NCOA5: variants seen among roughly 807,000 people sequenced by gnomAD.
NCOA5 encodes the protein nuclear receptor coactivator 5, also known as NCoA-5.
NCOA5 carries 12 observed loss-of-function variants against 59.0 expected under a neutral mutation model. That is an observed-to-expected ratio of 0.20 (90% confidence interval 0.13 to 0.33). NCOA5 has a LOEUF of 0.33. Among genes scored for constraint, NCOA5 ranks in the 10% least tolerant of loss-of-function variants. The pLI is 1.00. For missense variants in NCOA5, 655 were observed against 766.6 expected, an observed-to-expected ratio of 0.85 and a Z score of 1.72; for synonymous variants, 270 against 275.5, an observed-to-expected ratio of 0.98 and a Z score of 0.20.
At chr20:46,063,762 A>G in intron 6 of NCOA5, 82 bp from the exon 7 acceptor site, 1 of 1,345,920 alleles carries the variant, frequency 7.4e-7, no homozygotes, top group Non-Finnish European at 1.0e-6. Context: ...AGTCTTTCCT[A>G]ACCTCATACC....
intron 2 of NCOA5, among the ~76,000 whole-genome samples, chr20:46,076,227 G>A (rs1452934063): frequency 6.6e-6 from 1 of 152,114 alleles, no homozygotes; most frequent in Non-Finnish European, 1.5e-5. Context: ...CCTGTGGCTG[G>A]GGGCATACAA....
intron 5 of NCOA5, among the ~76,000 whole-genome samples, chr20:46,066,738 C>T (rs971810184): frequency 6.6e-6 from 1 of 152,182 alleles, no homozygotes; most frequent in African/African-American, 2.4e-5. Flanking sequence ...AAGCACAAAA[C>T]CTGCCTGAGA....
At position 46,062,406 on chromosome 20, in the gene NCOA5, T is replaced by G. The variant is rs1409660956; in HGVS notation, c.1634A>C (p.Asp545Ala). The G allele has an allele frequency of 6.2e-7, 1 of 1,614,010 alleles. No homozygotes were observed. The highest frequency in any genetic ancestry group is 2.2e-5 in the East Asian group (1 of 44,890). ...FDNPSVQKAL[D>A]TLIQSGPALS... ...AGCAGGGCCACTCTGGATCAGGGTA[T>G]CCAGAGCCTTCTGTACACTTGGATT... The change falls in exon 8 of 8, where the codon GAT becomes GCT. Residue 545 changes from aspartate (D) to alanine (A), a missense_variant. Physicochemically the swap from Asp to Ala is moderately radical, Grantham distance 126. Around this residue, in one of 3 missense-constraint regions of NCOA5, gnomAD observed 325 missense variants for 353.2 expected, o/e 0.92. Transcript: ENST00000290231.
At chr20:46,080,007 C>T (rs1455070979) in intron 1 of NCOA5, among the ~76,000 whole-genome samples, 1 of 151,980 alleles carries the variant, frequency 6.6e-6, no homozygotes, top group East Asian at 1.9e-4. Flanking sequence ...GAATAACATG[C>T]AGGAAAGAAA....
chr20:46,077,905 G>T (rs898802945), intron 2 of NCOA5, among the ~76,000 whole-genome samples: 2 of 152,194 alleles, frequency 1.3e-5, no homozygotes, highest in Non-Finnish European at 2.9e-5. Context: ...ACATTATACG[G>T]AACTGCTGAA....
At chr20:46,069,092 G>A (rs1020103732) in intron 3 of NCOA5, among the ~76,000 whole-genome samples, 3 of 151,938 alleles carry the variant, frequency 2.0e-5, no homozygotes, top group Non-Finnish European at 2.9e-5. Flanking sequence ...GATTACAGGC[G>A]TGAGCCACTG....
At chr20:46,064,683 T>G (rs2084802095) in intron 6 of NCOA5, among the ~76,000 whole-genome samples, 1 of 152,204 alleles carries the variant, frequency 6.6e-6, no homozygotes, top group African/African-American at 2.4e-5. Context: ...CTCCCTTCAG[T>G]GACTTCAGGT....
chr20:46,075,943 C>T (rs2084933703), intron 2 of NCOA5, among the ~76,000 whole-genome samples: 1 of 152,180 alleles, frequency 6.6e-6, no homozygotes, highest in Non-Finnish European at 1.5e-5. Context: ...GAATTACACA[C>T]TGACAGCTGG....
intron 2 of NCOA5, among the ~76,000 whole-genome samples, chr20:46,074,078 C>T (rs902662843): frequency 6.6e-6 from 1 of 152,164 alleles, no homozygotes; most frequent in East Asian, 1.9e-4. Flanking sequence ...AAGGCAAAGC[C>T]TTTTTTCCTT....
chr20:46,062,136 A>T lies in NCOA5; in HGVS notation c.*164T>A, dbSNP rs926808959. 3 of 593,208 alleles carry T rather than the reference A, an allele frequency of 5.1e-6. No individual in the cohort carries two copies. Among genetic ancestry groups the T allele is most frequent in the Non-Finnish European group, 8.8e-6 (3 of 339,770 alleles). The allele number at this position is 593,208 out of a possible 1,614,324, so 36.7% of individuals were successfully genotyped here. On this transcript the variant is annotated 3_prime_UTR_variant, in exon 8 of 8. Coordinates refer to ENST00000290231, the MANE Select transcript of NCOA5 (RefSeq NM_020967.3). The stretch of plus-strand genomic sequence containing the variant: ...TGCAGTATAAACTTTGTAAGGAATA[A>T]GCAACACAGCCTTGGGCAGAAGAGA...
intron 1 of NCOA5, among the ~76,000 whole-genome samples, chr20:46,084,303 A>G (rs1451902301): frequency 6.6e-6 from 1 of 152,218 alleles, no homozygotes; most frequent in Non-Finnish European, 1.5e-5. Flanking sequence ...GTACTTAAAC[A>G]TTATGCTATG....
chr20:46,089,185 C>T (rs1346325273), intron 1 of NCOA5, among the ~76,000 whole-genome samples: 3 of 152,080 alleles, frequency 2.0e-5, no homozygotes, highest in Non-Finnish European at 4.4e-5. Context: ...CCGGATCGGA[C>T]GCTGGCGCTG....
chr20:46,079,585 G>T lies in NCOA5; in HGVS notation c.-29-132C>A, dbSNP rs560451067. 4.0e-5 allele frequency: 29 copies of T among 722,056 alleles called. No homozygotes were observed. The South Asian group carries it at 4.6e-4, about 11-fold the overall frequency. 44.7% of individuals were successfully genotyped at this position (722,056 alleles called of 1,614,324 possible). ...ATGGTGTAAGAAAAGCCATTCAGCA[G>T]AGACACACTGTCACTTGGGCAATTT... On this transcript the variant is annotated intron_variant, in intron 1 of 7. Transcript: ENST00000290231.
chr20:46,070,232 C>T lies in NCOA5; in HGVS notation c.343G>A (p.Asp115Asn). ...TACCTGTACATAGGATCTCGGGAGTCTCTCATGTCTCTGTATCTGTCGTAC... is the reference window on the plus strand; with the variant it reads ...TACCTGTACATAGGATCTCGGGAGTTTCTCATGTCTCTGTATCTGTCGTAC... Reference protein sequence around the residue: ...PMYDRYRDMRDSRDPMYRREG... With the variant: ...PMYDRYRDMRNSRDPMYRREG... The change falls in exon 3 of 8, where the codon GAC (aspartate) becomes AAC (asparagine). Residue 115 changes from aspartate (D) to asparagine (N), a missense_variant. By Grantham distance (23) the Asp-to-Asn change is conservative. Transcript: ENST00000290231. 6.2e-7 allele frequency: 1 copy of T among 1,613,988 alleles called. No individual in the cohort carries two copies. The highest frequency in any genetic ancestry group is 1.1e-5 in the South Asian group (1 of 91,072).
intron 3 of NCOA5, among the ~76,000 whole-genome samples, chr20:46,068,979 T>A (rs111374174): frequency 0.027 from 4,135 of 152,212 alleles, 170 homozygotes; most frequent in African/African-American, 0.09. Context: ...TATTATTATT[T>A]TTTTTTTAGT....
intron 2 of NCOA5, among the ~76,000 whole-genome samples, chr20:46,072,283 ATC>A (rs1456996723): frequency 6.6e-6 from 1 of 152,128 alleles, no homozygotes; most frequent in Non-Finnish European, 1.5e-5. Context: ...CTCTACAGTG[ATC>A]TGTTACGTAT....
chr20:46,067,271 G>C, intron 4 of NCOA5, 90 bp from the exon 5 acceptor site: 1 of 1,429,842 alleles, frequency 7.0e-7, no homozygotes, highest in Admixed American at 2.3e-5. Context: ...ATAATACTCT[G>C]AATCAATCCT....
At chr20:46,081,129 C>T (rs2084987643) in intron 1 of NCOA5, among the ~76,000 whole-genome samples, 1 of 152,038 alleles carries the variant, frequency 6.6e-6, no homozygotes, top group Non-Finnish European at 1.5e-5. Context: ...CTCTGGAATA[C>T]ACTGGGTGTG....
chr20:46,086,872 A>G (rs1300937880), intron 1 of NCOA5, among the ~76,000 whole-genome samples: 2 of 152,244 alleles, frequency 1.3e-5, no homozygotes, highest in Non-Finnish European at 2.9e-5. Context: ...TTCCTCTCTC[A>G]GATATTGACA....
Sources: allele counts gnomAD v4.1 joint callset (sites outside exome capture counted in the v4.1 genomes callset), GRCh38; gene constraint gnomAD v4.1.1; regional missense constraint gnomAD v4.1.1; transcripts MANE v1.5; gene names NCBI Gene and HGNC (gene_info 2026-07-23, HGNC 2026-07-21).